Variants in TMA16 observed in about 807,000 individuals in gnomAD.
TMA16 encodes translation machinery associated 16 homolog, also known as translation machinery-associated protein 16.
TMA16 carries 26 observed loss-of-function variants against 27.1 expected under a neutral mutation model. The observed-to-expected ratio is 0.96, with a 90% CI of 0.70 to 1.33. The LOEUF (loss-of-function observed/expected upper bound fraction) is 1.33. TMA16 is among the 40% of genes most tolerant of loss of function. TMA16 has a pLI of 0.00. For synonymous variants in TMA16, 71 were observed against 81.9 expected, an observed-to-expected ratio of 0.87 and a Z score of 0.72; for missense variants, 233 against 241.4, an observed-to-expected ratio of 0.97 and a Z score of 0.23.
chr4:163,520,032 T>G lies in TMA16; in HGVS notation c.*518T>G. 1.6e-6 allele frequency: 1 copy of G among 608,644 alleles called. No individual in the cohort carries two copies. Among genetic ancestry groups the G allele is most frequent in the South Asian group, 1.7e-5 (1 of 60,046 alleles). The allele number at this position is 608,644 out of a possible 1,614,324, so 37.7% of individuals were successfully genotyped here. ...TTGTATACATTTCTGGATTATAGAT[T>G]ATTATTTATCTTTTGAACCAGAGCT... On this transcript the variant is annotated 3_prime_UTR_variant, in exon 7 of 7. Coordinates refer to ENST00000358572, the MANE Select transcript of TMA16 (RefSeq NM_018352.3).
intron 3 of TMA16, among the ~76,000 whole-genome samples, chr4:163,513,087 A>C (rs935641762): frequency 6.6e-6 from 1 of 151,962 alleles, no homozygotes; most frequent in Non-Finnish European, 1.5e-5. Flanking sequence ...CTACCTACCT[A>C]CCTGTCTACA....
chr4:163,503,705 A>G (rs1737679805), intron 1 of TMA16, among the ~76,000 whole-genome samples: 1 of 152,212 alleles, frequency 6.6e-6, no homozygotes. Context: ...CTGTGGTGCC[A>G]GAGTCTTTTC....
At chr4:163,511,383 G>A (rs768007314) in intron 2 of TMA16, among the ~76,000 whole-genome samples, 9 of 151,922 alleles carry the variant, frequency 5.9e-5, no homozygotes, top group African/African-American at 2.2e-4. Context: ...GAATCTGTCC[G>A]AATCTTTTGC....
intron 2 of TMA16, among the ~76,000 whole-genome samples, chr4:163,511,092 A>G (rs1737785651): frequency 6.6e-6 from 1 of 152,216 alleles, no homozygotes; most frequent in African/African-American, 2.4e-5. Context: ...GTATATAAGA[A>G]TTGCTGGATC....
At chr4:163,519,026 A>T (rs557811704) in intron 6 of TMA16, among the ~76,000 whole-genome samples, 1 of 152,238 alleles carries the variant, frequency 6.6e-6, no homozygotes, top group East Asian at 1.9e-4. Context: ...CTTAACTGGG[A>T]TGTACTTCTG....
intron 1 of TMA16, among the ~76,000 whole-genome samples, chr4:163,504,580 C>T (rs1737694611): frequency 6.6e-6 from 1 of 152,218 alleles, no homozygotes; most frequent in African/African-American, 2.4e-5. Flanking sequence ...TCGCTGCAGT[C>T]TCCACCTCCG....
At chr4:163,514,349 C>G (rs754845074) in intron 4 of TMA16, among the ~76,000 whole-genome samples, 191 bp downstream of exon 4, 8 of 152,170 alleles carry the variant, frequency 5.3e-5, no homozygotes, top group African/African-American at 7.2e-5. Flanking sequence ...AGTTAGGCCA[C>G]TTTCTTGGGA....
chr4:163,495,189 A>G (rs1579011821), intron 1 of TMA16, among the ~76,000 whole-genome samples: 2 of 152,184 alleles, frequency 1.3e-5, no homozygotes, highest in African/African-American at 4.8e-5. Context: ...GGGTAGACTC[A>G]GTATGTGGGC....
chr4:163,509,070 A>C (rs1395264046), intron 2 of TMA16, among the ~76,000 whole-genome samples: 1 of 152,288 alleles, frequency 6.6e-6, no homozygotes, highest in South Asian at 2.1e-4. Flanking sequence ...CTTAGTAGTC[A>C]TGGCTCTAGA....
At chr4:163,515,499 A>T in intron 5 of TMA16, 38 bp downstream of exon 5, 2 of 1,551,240 alleles carry the variant, frequency 1.3e-6, no homozygotes, top group South Asian at 1.2e-5. Flanking sequence ...TTTATATGAC[A>T]TAGCAGTATC....
intron 4 of TMA16, 49 bp from the exon 5 acceptor site, chr4:163,515,264 C>G: frequency 6.5e-7 from 1 of 1,544,592 alleles, no homozygotes; most frequent in Non-Finnish European, 8.7e-7. Flanking sequence ...TAATGTAAGC[C>G]CAATACATAT....
chr4:163,518,214 A>G (rs1340877980), intron 6 of TMA16, among the ~76,000 whole-genome samples: 3 of 152,144 alleles, frequency 2.0e-5, no homozygotes, highest in Non-Finnish European at 4.4e-5. Context: ...GCTCCTACTT[A>G]TAAGTGAGAA....
chr4:163,496,548 T>C (rs766588401), intron 1 of TMA16, among the ~76,000 whole-genome samples: 19 of 152,170 alleles, frequency 1.2e-4, no homozygotes, highest in Non-Finnish European at 2.2e-4. Context: ...ATTAATCCAT[T>C]CCACTCAACA....
chr4:163,502,353 G>A (rs1737661087), intron 1 of TMA16, among the ~76,000 whole-genome samples: 1 of 152,062 alleles, frequency 6.6e-6, no homozygotes, highest in Admixed American at 6.5e-5. Context: ...GTAGCCCATT[G>A]TACAGTACAA....
chr4:163,511,737 G>T (rs1737803358), intron 2 of TMA16, among the ~76,000 whole-genome samples: 1 of 151,904 alleles, frequency 6.6e-6, no homozygotes, highest in East Asian at 1.9e-4. Flanking sequence ...AGGCAGGATG[G>T]TTGCTTGAGC....
intron 5 of TMA16, 121 bp downstream of exon 5, chr4:163,515,582 TTTTC>T (rs1172019884): frequency 3.8e-6 from 5 of 1,327,496 alleles, no homozygotes; most frequent in Non-Finnish European, 5.1e-6. Context: ...TTTGATGTCT[TTTTC>T]TTTGTGAGGG....
intron 1 of TMA16, among the ~76,000 whole-genome samples, chr4:163,495,466 A>C (rs1011612933): frequency 1.3e-5 from 2 of 152,236 alleles, no homozygotes; most frequent in African/African-American, 4.8e-5. Flanking sequence ...GGAAACCTTA[A>C]GAAGCAAACA....
intron 1 of TMA16, among the ~76,000 whole-genome samples, chr4:163,497,617 G>C (rs978385548): frequency 6.6e-6 from 1 of 152,128 alleles, no homozygotes; most frequent in African/African-American, 2.4e-5. Context: ...CCAGCAGCAT[G>C]GCATCTTTAA....
rs1324228645 is a variant in TMA16, at chr4:163,512,811, T to G, written c.117-11T>G. On this transcript the variant is annotated splice_polypyrimidine_tract_variant and intron_variant, in intron 2 of 6. Transcript: ENST00000358572. ...AATTTTCTAACACATATATTTACCT[T>G]TCCTTCAAAGATTGAAGAATGAAAA... 1 of 1,594,894 alleles carries G rather than the reference T, an allele frequency of 6.3e-7. No individual in the cohort carries two copies. Among genetic ancestry groups the G allele is most frequent in the South Asian group, 1.1e-5 (1 of 87,350 alleles).
Sources: gnomAD v4.1 joint callset for allele counts (sites outside exome capture counted in the v4.1 genomes callset) on GRCh38, gnomAD v4.1.1 for gene constraint, MANE v1.5 for transcripts, NCBI Gene and HGNC (gene_info 2026-07-23, HGNC 2026-07-21) for gene names.